Variants in MAF observed in about 807,000 individuals in gnomAD.
MAF encodes the protein transcription factor Maf.
In MAF, 10 loss-of-function variants were observed where a neutral mutation model predicts 22.0. The observed-to-expected ratio is 0.45, with a 90% CI of 0.28 to 0.77. The LOEUF is 0.77. MAF is among the 30% of genes least tolerant of loss of function. MAF has a pLI of 0.12. For synonymous variants in MAF, 337 were observed against 255.8 expected (o/e 1.32, Z -3.03); for missense variants, 544 against 548.4 (o/e 0.99, Z 0.08).
the MAF span, among the ~76,000 whole-genome samples, chr16:79,282,532 T>C: frequency 6.6e-6 from 1 of 152,122 alleles, no homozygotes; most frequent in Non-Finnish European, 1.5e-5. Context: ...TCCTGCAACT[T>C]GGAGTCCCAG....
the MAF span, chr16:79,516,130 G>A: frequency 6.6e-6 from 1 of 152,012 alleles, no homozygotes; most frequent in East Asian, 1.9e-4. Context: ...GAGCCACTGG[G>A]ACCTTCCCTG....
At chr16:79,235,790 A>T in the MAF span, among the ~76,000 whole-genome samples, 1 of 152,092 alleles carries the variant, frequency 6.6e-6, no homozygotes, top group Non-Finnish European at 1.5e-5. Flanking sequence ...GCCTCACACC[A>T]CAGGCACACC....
chr16:79,487,811 G>A, the MAF span, among the ~76,000 whole-genome samples: 1 of 152,136 alleles, frequency 6.6e-6, no homozygotes, highest in Non-Finnish European at 1.5e-5. Flanking sequence ...AATCCCCGTG[G>A]TTGCTAAGAA....
the MAF span, among the ~76,000 whole-genome samples, chr16:79,423,807 C>A: frequency 2.4e-4 from 37 of 152,142 alleles, no homozygotes; most frequent in Admixed American, 2.4e-3. Context: ...ACTTTTTACC[C>A]ACCTAACCTA....
chr16:79,493,476 G>C, the MAF span, among the ~76,000 whole-genome samples: 1 of 152,142 alleles, frequency 6.6e-6, no homozygotes, highest in African/African-American at 2.4e-5. Flanking sequence ...CACCGCACCT[G>C]GCCTCTTTTT....
At chr16:79,590,651 C>T (rs1264505287), downstream of MAF, among the ~76,000 whole-genome samples, 1 of 152,008 alleles carries the variant, frequency 6.6e-6, no homozygotes, top group Non-Finnish European at 1.5e-5. Context: ...AGCTCACAAC[C>T]TGTCAGCGGC....
the MAF span, among the ~76,000 whole-genome samples, chr16:79,412,289 G>T: frequency 2.0e-5 from 3 of 152,146 alleles, no homozygotes. Flanking sequence ...ACCCTAGAGG[G>T]TATGATTACC....
downstream of MAF, among the ~76,000 whole-genome samples, chr16:79,584,256 T>C (rs1912705356): frequency 6.6e-6 from 1 of 152,216 alleles, no homozygotes. Flanking sequence ...TCATCAGTTT[T>C]GGCTTCCATG....
chr16:79,416,091 C>G, the MAF span, among the ~76,000 whole-genome samples: 176 of 152,240 alleles, frequency 1.2e-3, no homozygotes, highest in African/African-American at 4.1e-3. Context: ...ATGTGCCCAG[C>G]TTTGGGTGGG....
chr16:79,467,952 G>C, the MAF span, among the ~76,000 whole-genome samples: 5 of 152,056 alleles, frequency 3.3e-5, no homozygotes, highest in Non-Finnish European at 7.4e-5. Context: ...GGGGGTGGTT[G>C]TGGCTTGACC....
At chr16:79,589,644 G>A (rs576546267), downstream of MAF, among the ~76,000 whole-genome samples, 65 of 152,322 alleles carry the variant, frequency 4.3e-4, no homozygotes, top group African/African-American at 1.5e-3. Flanking sequence ...GGAGCCTTGC[G>A]GGACCGAGTC....
At chr16:79,203,384 G>T in the MAF span, 1 of 152,172 alleles carries the variant, frequency 6.6e-6, no homozygotes, top group Non-Finnish European at 1.5e-5. Context: ...GACATTGGGG[G>T]CCTACCTGTG....
chr16:79,239,982 G>A, the MAF span, among the ~76,000 whole-genome samples: 1 of 151,972 alleles, frequency 6.6e-6, no homozygotes, highest in African/African-American at 2.4e-5. Context: ...CCATGCCCAG[G>A]AAGGCTTCAC....
chr16:79,365,159 C>T, the MAF span, among the ~76,000 whole-genome samples: 1 of 152,216 alleles, frequency 6.6e-6, no homozygotes, highest in African/African-American at 2.4e-5. Context: ...TTGTCTCCGT[C>T]TAATGTGCTT....
the MAF span, among the ~76,000 whole-genome samples, chr16:79,263,026 G>A: frequency 2.0e-5 from 3 of 152,236 alleles, no homozygotes; most frequent in African/African-American, 7.2e-5. Context: ...TTCACCCATA[G>A]GATGTGACTG....
chr16:79,437,638 A>C, the MAF span, among the ~76,000 whole-genome samples: 2,552 of 152,148 alleles, frequency 0.017, 86 homozygotes, highest in African/African-American at 0.059. Flanking sequence ...CCGAGAGCTC[A>C]TGCCGGTCAC....
chr16:79,439,181 T>G, the MAF span, among the ~76,000 whole-genome samples: 1 of 152,036 alleles, frequency 6.6e-6, no homozygotes, highest in Non-Finnish European at 1.5e-5. Flanking sequence ...AAGAGTGTAT[T>G]AAGCAGTTCT....
chr16:79,212,197 C>G, the MAF span: 1 of 1,458,258 alleles, frequency 6.9e-7, no homozygotes, highest in Non-Finnish European at 9.0e-7. Flanking sequence ...TGGCCTTCTC[C>G]TACTTAGGGA....
the MAF span, among the ~76,000 whole-genome samples, chr16:79,560,343 C>G: frequency 1.3e-5 from 2 of 151,906 alleles, no homozygotes; most frequent in African/African-American, 4.8e-5. Context: ...CTGTGTAAGC[C>G]TCCATCTGGA....
Sources: allele counts gnomAD v4.1 joint callset (sites outside exome capture counted in the v4.1 genomes callset), GRCh38; gene constraint gnomAD v4.1.1; transcripts MANE v1.5; gene names NCBI Gene and HGNC (gene_info 2026-07-23, HGNC 2026-07-21).